The following UPB1 variants were observed in gnomAD, a reference collection of about 807,000 sequenced individuals.
The protein encoded by UPB1 is beta-ureidopropionase 1, also known as beta-ureidopropionase.
A neutral mutation model predicts 49.1 loss-of-function variants in UPB1; 40 were observed. The ratio of observed to expected loss-of-function variants is 0.81; its 90% CI spans 0.63 to 1.06. UPB1 has a LOEUF of 1.06. Ranked by LOEUF, UPB1 falls within the 50% of genes least tolerant of loss-of-function variation. UPB1 has a pLI of 0.00. For missense variants in UPB1, 499 were observed against 505.9 expected (o/e 0.99, Z 0.13); for synonymous variants, 207 against 198.2 (o/e 1.04, Z -0.38).
At chr22:24,518,448 C>T (rs1372540295) in intron 6 of UPB1, 1 of 152,172 alleles carries the variant, frequency 6.6e-6, no homozygotes, top group Non-Finnish European at 1.5e-5. Flanking sequence ...GGATAAAAGG[C>T]AACAGGTGGT....
Position 24,526,045 on chromosome 22 carries a change from T to C in UPB1, c.*251T>C. On this transcript the variant is annotated 3_prime_UTR_variant, in exon 10 of 10. Coordinates refer to ENST00000326010, the MANE Select transcript of UPB1 (RefSeq NM_016327.3). The stretch of plus-strand genomic sequence containing the variant: ...ACTAAATGCCACTGAATTTGTATAC[T>C]TCAGAATGTTTGTTATGTAAATTTT... 1.9e-6 allele frequency: 1 copy of C among 518,018 alleles called. No individual in the cohort carries two copies. Among genetic ancestry groups the C allele is most frequent in the South Asian group, 2.0e-5 (1 of 48,954 alleles). 32.1% of individuals were successfully genotyped at this position (518,018 alleles called of 1,614,324 possible).
Position 24,515,309 on chromosome 22 carries a change from A to T in UPB1, c.730A>T (p.Met244Leu). The change falls in exon 6 of 10, where the codon ATG becomes TTG. Residue 244 changes from methionine (M) to leucine (L), a missense_variant. By Grantham distance (15) the Met-to-Leu change is conservative. Coordinates refer to ENST00000326010, the MANE Select transcript of UPB1 (RefSeq NM_016327.3). ...YGRHHPLNWLMYSINGAEIIF... is the reference protein window; with the variant it reads ...YGRHHPLNWLLYSINGAEIIF... ...GCGGCACCACCCCCTCAACTGGCTTATGTACAGCATCAACGGGGCTGAGAT... is the reference window on the plus strand; with the variant it reads ...GCGGCACCACCCCCTCAACTGGCTTTTGTACAGCATCAACGGGGCTGAGAT... 4 of 1,614,168 alleles carry T rather than the reference A, an allele frequency of 2.5e-6. No individual in the cohort carries two copies. The highest frequency in any genetic ancestry group is 3.4e-6 in the Non-Finnish European group (4 of 1,180,036).
Position 24,495,431 on chromosome 22 carries a change from G to A in UPB1, c.28G>A (p.Glu10Lys), listed in dbSNP as rs150213994. MAGAEWKSLEECLEKHLPLP... is the reference protein window; with the variant it reads MAGAEWKSLKECLEKHLPLP... ...GGCGGGCGCTGAGTGGAAGTCGCTG[G>A]AGGAATGCTTGGAGAAGCACCTGCC... The change falls in exon 1 of 10, where the codon GAG becomes AAG. Residue 10 changes from glutamate to lysine, a missense_variant. Physicochemically the swap from Glu to Lys is moderately conservative, Grantham distance 56 (BLOSUM62 1). Transcript: ENST00000326010. 14 of 1,613,524 alleles carry A rather than the reference G, an allele frequency of 8.7e-6. No individual in the cohort carries two copies. The highest frequency in any genetic ancestry group is 9.3e-6 in the Non-Finnish European group (11 of 1,180,040).
Position 24,502,187 on chromosome 22 carries a change from A to G in UPB1, c.338A>G (p.Asn113Ser). 6.2e-7 allele frequency: 1 copy of G among 1,614,210 alleles called. No individual in the cohort carries two copies. The highest frequency in any genetic ancestry group is 8.5e-7 in the Non-Finnish European group (1 of 1,180,052). Residue 113 changes from asparagine (N) to serine (S), a missense_variant, in exon 3 of 10, where the codon AAC becomes AGC. By Grantham distance (46) the Asn-to-Ser change is conservative (BLOSUM62 1). Coordinates refer to ENST00000326010, the MANE Select transcript of UPB1 (RefSeq NM_016327.3). ...GAGGTGGCTGCAATGTGTGGAGTCA[A>G]CATCATCTGTTTCCAGGAAGCATGG... is the stretch of plus-strand genomic sequence containing the variant. ...IVEVAAMCGVNIICFQEAWTM... is the reference protein window; with the variant it reads ...IVEVAAMCGVSIICFQEAWTM...
At chr22:24,518,087 C>T (rs985655992) in intron 6 of UPB1, 3 of 152,244 alleles carry the variant, frequency 2.0e-5, no homozygotes, top group Non-Finnish European at 2.9e-5. Flanking sequence ...ATCGCTTGAA[C>T]CTAGCAGGTG....
intron 2 of UPB1, among the ~76,000 whole-genome samples, chr22:24,501,296 C>G (rs1039335276): frequency 6.6e-6 from 1 of 151,914 alleles, no homozygotes; most frequent in African/African-American, 2.4e-5. Context: ...TTTGTGCGCT[C>G]TGGGTTTTCA....
rs2044494156 is a variant in UPB1, at chr22:24,527,891, C to CG, written c.*2100dup. ...TTTCAAAATTTAGTGTCAGCCAAGG[C>CG]GGGCAGATCACAAGGTCAAGAGATG... On this transcript the variant is annotated 3_prime_UTR_variant, in exon 10 of 10. Transcript: ENST00000326010. The CG allele has an allele frequency of 6.6e-6, 1 of 151,896 alleles. No homozygotes were observed. Among genetic ancestry groups the CG allele is most frequent in the African/African-American group, 2.4e-5 (1 of 41,320 alleles). The allele number at this position is 151,896 out of a possible 1,614,324, so 9.4% of individuals were successfully genotyped here. A position where few individuals can be genotyped will look rare whatever the true frequency, so the allele number is the denominator to read the frequency against.
chr22:24,496,473 T>G (rs140634027), intron 1 of UPB1, among the ~76,000 whole-genome samples: 1 of 152,212 alleles, frequency 6.6e-6, no homozygotes, highest in African/African-American at 2.4e-5. Context: ...TGATCTTATC[T>G]TGAGATCCTG....
intron 3 of UPB1, among the ~76,000 whole-genome samples, chr22:24,509,193 C>T (rs992740695): frequency 1.3e-5 from 2 of 152,014 alleles, no homozygotes; most frequent in Non-Finnish European, 2.9e-5. Flanking sequence ...CAGATATTCA[C>T]GTGTGGCTGG....
At chr22:24,512,499 C>T (rs2044223675) in intron 4 of UPB1, among the ~76,000 whole-genome samples, 2 of 152,296 alleles carry the variant, frequency 1.3e-5, no homozygotes, top group Non-Finnish European at 1.5e-5. Flanking sequence ...TTATTTTTGG[C>T]ATAGATAAGT....
At chr22:24,502,076 T>C in intron 2 of UPB1, 50 bp from the exon 3 acceptor site, 1 of 1,595,276 alleles carries the variant, frequency 6.3e-7, no homozygotes, top group Non-Finnish European at 8.6e-7. Flanking sequence ...ATCCTAAAAA[T>C]TGCCTTACCA....
At chr22:24,511,618 A>ATTTTTTT (rs386395041) in intron 4 of UPB1, among the ~76,000 whole-genome samples, 13 of 122,544 alleles carry the variant, frequency 1.1e-4, no homozygotes, top group East Asian at 7.0e-4. Context: ...ATATATATAT[A>ATTTTTTT]TTTTTTTTTT....
chr22:24,500,486 C>G (rs553643536), intron 2 of UPB1, among the ~76,000 whole-genome samples: 1 of 152,230 alleles, frequency 6.6e-6, no homozygotes, highest in African/African-American at 2.4e-5. Context: ...TTCTGTCTCT[C>G]CCTCCTCCTC....
chr22:24,523,151 T>G (rs1305308953), intron 8 of UPB1, among the ~76,000 whole-genome samples: 1 of 152,148 alleles, frequency 6.6e-6, no homozygotes, highest in African/African-American at 2.4e-5. Context: ...TGGGCCATGC[T>G]AGGCCCTGCC....
intron 2 of UPB1, 146 bp downstream of exon 2, chr22:24,500,424 TC>T (rs766928163): frequency 4.2e-6 from 4 of 956,364 alleles, no homozygotes; most frequent in Non-Finnish European, 1.6e-6. Flanking sequence ...TGCCCTGGCC[TC>T]CCCACATCCC....
chr22:24,514,707 G>A (rs936286363), intron 5 of UPB1, among the ~76,000 whole-genome samples: 1 of 152,226 alleles, frequency 6.6e-6, no homozygotes, highest in Non-Finnish European at 1.5e-5. Context: ...GGTTCCACTA[G>A]AAGCTTTGGC....
intron 4 of UPB1, among the ~76,000 whole-genome samples, chr22:24,511,658 G>A (rs1425640891): frequency 7.1e-6 from 1 of 140,798 alleles, no homozygotes; most frequent in Non-Finnish European, 1.5e-5. Flanking sequence ...CTGTTGCCCA[G>A]GTTGGAGTGC....
intron 1 of UPB1, among the ~76,000 whole-genome samples, chr22:24,497,442 A>T (rs1208377754): frequency 6.6e-6 from 1 of 152,226 alleles, no homozygotes. Context: ...ACATGGAAAG[A>T]TGAAGTTCCA....
At position 24,526,016 on chromosome 22, in the gene UPB1, A is replaced by C. The variant is rs2044476179; in HGVS notation, c.*222A>C. ...ATGTTTGGGGACTAGGTAGAGGTGA[A>C]TGTACTAAATGCCACTGAATTTGTA... On this transcript the variant is annotated 3_prime_UTR_variant, in exon 10 of 10. Coordinates refer to ENST00000326010, the MANE Select transcript of UPB1 (RefSeq NM_016327.3). 2 of 583,136 alleles carry C rather than the reference A, an allele frequency of 3.4e-6. No homozygotes were observed. Among genetic ancestry groups the C allele is most frequent in the African/African-American group, 3.7e-5 (2 of 53,348 alleles). The allele number at this position is 583,136 out of a possible 1,614,324, so 36.1% of individuals were successfully genotyped here.
Sources: allele counts gnomAD v4.1 joint callset (sites outside exome capture counted in the v4.1 genomes callset), GRCh38; gene constraint gnomAD v4.1.1; transcripts MANE v1.5; gene names NCBI Gene and HGNC (gene_info 2026-07-23, HGNC 2026-07-21).